LRMDA: variants seen among roughly 807,000 people sequenced by gnomAD.
LRMDA encodes leucine rich melanocyte differentiation associated, also known as leucine-rich melanocyte differentiation-associated protein.
LRMDA carries 18 observed loss-of-function variants against 29.8 expected under a neutral mutation model. The observed-to-expected ratio is 0.60, with a 90% CI of 0.42 to 0.90. LRMDA has a LOEUF of 0.90. Among genes scored for constraint, LRMDA ranks in the 40% least tolerant of loss-of-function variants. LRMDA has a pLI of 0.00. For synonymous variants in LRMDA, 125 were observed against 109.4 expected (o/e 1.14, Z -0.89); for missense variants, 273 against 273.9 (o/e 1.00, Z 0.02).
chr10:76,285,148 C>T (rs1840255990), intron 5 of LRMDA, among the ~76,000 whole-genome samples: 1 of 152,148 alleles, frequency 6.6e-6, no homozygotes, highest in African/African-American at 2.4e-5. Flanking sequence ...ATGCAGTAGG[C>T]ACTCATTAAA....
At chr10:75,715,038 C>T (rs993540086) in intron 2 of LRMDA, among the ~76,000 whole-genome samples, 8 of 152,072 alleles carry the variant, frequency 5.3e-5, no homozygotes, top group Non-Finnish European at 8.8e-5. Flanking sequence ...ATTCACATCC[C>T]GTTTGTCAGC....
At position 75,692,218 on chromosome 10, in the gene LRMDA, AAATATATATAT is replaced by A. The variant is rs1288589771; in HGVS notation, c.131+253726_131+253736del. On this transcript the variant is annotated intron_variant, in intron 2 of 6. Transcript: ENST00000611255. ...CCTTGTCTCTGGGGGGAAAAAAAAA[AAATATATATAT>A]ATATATATATATATATATACATATA... 3.0e-3 allele frequency among the ~76,000 whole-genome samples: 130 copies of A among 43,954 alleles called. 2 individuals carry two copies. The highest frequency in any genetic ancestry group is 9.5e-3 in the African/African-American group (117 of 12,258). The allele number at this position is 43,954 out of a possible 152,430, so 28.8% of individuals were successfully genotyped here. A position where few individuals can be genotyped will look rare whatever the true frequency, so the allele number is the denominator to read the frequency against.
chr10:75,836,769 T>C (rs551175936), intron 2 of LRMDA, among the ~76,000 whole-genome samples: 8 of 152,210 alleles, frequency 5.3e-5, no homozygotes, highest in Non-Finnish European at 1.2e-4. Flanking sequence ...AAACCTCTTA[T>C]TTCCTCTCTC....
At position 75,672,553 on chromosome 10, in the gene LRMDA, CCCCTCCCCTCCCCTTCCCTT is replaced by C. The variant is rs1196263537; in HGVS notation, c.131+234064_131+234083del. On this transcript the variant is annotated intron_variant, in intron 2 of 6. Transcript: ENST00000611255. ...CCCCTCCCCTCCCCTCCCCTCCCCT[CCCCTCCCCTCCCCTTCCCTT>C]CCCTTCCCTTCCCTGCTTTTTTTTT... 8.8e-3 allele frequency among the ~76,000 whole-genome samples: 125 copies of C among 14,208 alleles called. 20 individuals carry two copies. The highest frequency in any genetic ancestry group is 0.042 in the Middle Eastern group (1 of 24). The allele number at this position is 14,208 out of a possible 152,430, so 9.3% of individuals were successfully genotyped here. A position where few individuals can be genotyped will look rare whatever the true frequency, so the allele number is the denominator to read the frequency against.
intron 6 of LRMDA, among the ~76,000 whole-genome samples, chr10:76,471,546 C>T (rs1842617692): frequency 6.6e-6 from 1 of 151,374 alleles, no homozygotes; most frequent in African/African-American, 2.4e-5. Context: ...TAGGAAACAA[C>T]TGAAATGGAA....
At position 76,501,259 on chromosome 10, in the gene LRMDA, T is replaced by A. The variant is rs111869098; in HGVS notation, c.602-55950T>A. ...AAGGTGAACATATACCACAGTTTCC[T>A]TATTCAGTCTACTACTGATGGGCAC... On this transcript the variant is annotated intron_variant, in intron 6 of 6. Coordinates refer to ENST00000611255, the MANE Select transcript of LRMDA (RefSeq NM_001305581.2). Among the ~76,000 whole-genome samples the A allele has an allele frequency of 3.8e-4, 8 of 21,186 alleles. 3 individuals are homozygous for A. The highest frequency in any genetic ancestry group is 2.8e-3 in the Non-Finnish European group (7 of 2,540). The allele number at this position is 21,186 out of a possible 152,430, so 13.9% of individuals were successfully genotyped here.
intron 2 of LRMDA, among the ~76,000 whole-genome samples, chr10:75,964,096 C>T (rs1466510849): frequency 6.6e-6 from 1 of 152,014 alleles, no homozygotes; most frequent in African/African-American, 2.4e-5. Flanking sequence ...AAATTTCGAG[C>T]TACATAGTGA....
intron 2 of LRMDA, among the ~76,000 whole-genome samples, chr10:75,896,768 G>T (rs1845589143): frequency 6.6e-6 from 1 of 151,912 alleles, no homozygotes. Flanking sequence ...TCTTACTTGG[G>T]ACCTGTACTG....
At chr10:75,508,264 T>C (rs1305184047) in intron 2 of LRMDA, among the ~76,000 whole-genome samples, 5 of 151,872 alleles carry the variant, frequency 3.3e-5, no homozygotes, top group East Asian at 3.9e-4. Flanking sequence ...GTGGTGTTTT[T>C]TTCCCCCCCT....
At chr10:75,483,604 C>T (rs1011232080) in intron 2 of LRMDA, among the ~76,000 whole-genome samples, 1 of 151,998 alleles carries the variant, frequency 6.6e-6, no homozygotes, top group African/African-American at 2.4e-5. Context: ...ACGTGCTTTG[C>T]AAAAATAAAA....
At chr10:75,576,592 A>G (rs1840508758) in intron 2 of LRMDA, among the ~76,000 whole-genome samples, 1 of 152,166 alleles carries the variant, frequency 6.6e-6, no homozygotes, top group Non-Finnish European at 1.5e-5. Flanking sequence ...ACCTCCCAGT[A>G]GGGGCCAAAA....
At chr10:75,856,199 A>G (rs934345165) in intron 2 of LRMDA, among the ~76,000 whole-genome samples, 27 of 152,318 alleles carry the variant, frequency 1.8e-4, no homozygotes, top group African/African-American at 6.3e-4. Flanking sequence ...ACCCATGAGC[A>G]TGGAATGTTC....
At chr10:76,513,048 T>G (rs1018210390) in intron 6 of LRMDA, among the ~76,000 whole-genome samples, 2 of 152,174 alleles carry the variant, frequency 1.3e-5, no homozygotes, top group Non-Finnish European at 2.9e-5. Flanking sequence ...CTACTTTGCA[T>G]TTGGTAAGCA....
intron 2 of LRMDA, among the ~76,000 whole-genome samples, chr10:75,547,857 C>A (rs1332970074): frequency 6.6e-6 from 1 of 152,124 alleles, no homozygotes; most frequent in African/African-American, 2.4e-5. Context: ...ATCCTCACCT[C>A]GAGTGGGTCC....
At chr10:75,883,429 A>G (rs1845327177) in intron 2 of LRMDA, 1 of 152,210 alleles carries the variant, frequency 6.6e-6, no homozygotes, top group African/African-American at 2.4e-5. Flanking sequence ...CACACCCAAG[A>G]GTTGAAGATT....
chr10:76,217,812 G>A (rs1851756694), intron 5 of LRMDA, among the ~76,000 whole-genome samples: 1 of 152,138 alleles, frequency 6.6e-6, no homozygotes, highest in Admixed American at 6.6e-5. Flanking sequence ...TACAAACAGT[G>A]CATTACCCTC....
chr10:75,923,501 C>T (rs528074181), intron 2 of LRMDA, among the ~76,000 whole-genome samples: 18 of 152,266 alleles, frequency 1.2e-4, no homozygotes, highest in South Asian at 1.0e-3. Flanking sequence ...AATGGCTTGA[C>T]GTTATTGGTT....
chr10:76,440,760 C>T (rs1297454428), intron 6 of LRMDA, among the ~76,000 whole-genome samples: 11 of 152,172 alleles, frequency 7.2e-5, no homozygotes, highest in African/African-American at 1.2e-4. Context: ...TCATTAGTCC[C>T]GTAGTCTCAT....
intron 2 of LRMDA, among the ~76,000 whole-genome samples, chr10:75,719,791 A>G (rs1470007557): frequency 1.3e-5 from 2 of 152,204 alleles, no homozygotes; most frequent in Non-Finnish European, 2.9e-5. Context: ...AGAGAGCAGT[A>G]AAGAGTCTTT....
Sources: allele counts gnomAD v4.1 joint callset (sites outside exome capture counted in the v4.1 genomes callset), GRCh38; gene constraint gnomAD v4.1.1; transcripts MANE v1.5; gene names NCBI Gene and HGNC (gene_info 2026-07-23, HGNC 2026-07-21).